Variants in WWOX observed in about 807,000 individuals in gnomAD.
WWOX encodes WW domain containing oxidoreductase.
Under a neutral mutation model 46.2 loss-of-function variants are expected in WWOX, and 69 were observed. The observed-to-expected ratio is 1.49, with a 90% CI of 1.23 to 1.82. The LOEUF (loss-of-function observed/expected upper bound fraction) is 1.82. WWOX is among the 40% of genes most tolerant of loss of function. The pLI, the probability that WWOX is intolerant of heterozygous loss-of-function variation, is 0.00. For missense variants in WWOX, 919 were observed against 542.6 expected (o/e 1.69, Z -6.89); for synonymous variants, 359 against 202.6 (o/e 1.77, Z -6.56).
chr16:79,212,442 A>AGAT lies in WWOX; in HGVS notation c.*647_*649dup, dbSNP rs999216169. The stretch of plus-strand genomic sequence containing the variant: ...TAATGCTATGCAAAAAATTCTTTAG[A>AGAT]GATTATAACAAATTTTTCAAATCAT... On this transcript the variant is annotated 3_prime_UTR_variant, in exon 9 of 9. Transcript: ENST00000566780. 3.6e-5 allele frequency: 10 copies of AGAT among 279,360 alleles called. No individual in the cohort carries two copies. Among genetic ancestry groups the AGAT allele is most frequent in the African/African-American group, 1.7e-4 (8 of 46,944 alleles). 17.3% of individuals were successfully genotyped at this position (279,360 alleles called of 1,614,324 possible).
At chr16:78,696,814 T>C (rs765991930) in intron 8 of WWOX, among the ~76,000 whole-genome samples, 1 of 152,012 alleles carries the variant, frequency 6.6e-6, no homozygotes, top group Non-Finnish European at 1.5e-5. Flanking sequence ...CCTCACCCTT[T>C]TACCACTCTT....
At position 78,617,043 on chromosome 16, in the gene WWOX, C is replaced by G. The variant is rs184364494; in HGVS notation, c.1056+184291C>G. Among the ~76,000 whole-genome samples the G allele has an allele frequency of 1.6e-4, 25 of 152,340 alleles. 1 individual carries two copies. The East Asian group carries it at 3.7e-3, about 22-fold the overall frequency. ...ATTTTGGCAGCCTTGCCATGCATCT[C>G]TAACATGCACATGGCCAGAAAAATA... On this transcript the variant is annotated intron_variant, in intron 8 of 8. Coordinates refer to ENST00000566780, the MANE Select transcript of WWOX (RefSeq NM_016373.4).
intron 5 of WWOX, among the ~76,000 whole-genome samples, chr16:78,272,948 C>T (rs994333179): frequency 1.3e-5 from 2 of 152,104 alleles, no homozygotes; most frequent in African/African-American, 4.8e-5. Context: ...TCATTAGGGT[C>T]TCATTTCCAA....
chr16:78,352,095 C>A (rs758556146), intron 5 of WWOX, among the ~76,000 whole-genome samples: 7 of 152,242 alleles, frequency 4.6e-5, no homozygotes, highest in Admixed American at 2.6e-4. Context: ...GGGTCAGTGC[C>A]CCATCTCAAG....
At chr16:78,895,820 A>C (rs1194503697) in intron 8 of WWOX, 1 of 152,222 alleles carries the variant, frequency 6.6e-6, no homozygotes, top group Non-Finnish European at 1.5e-5. Flanking sequence ...ACTGACTCAC[A>C]GTATCCGACT....
intron 8 of WWOX, 46 bp from the exon 9 acceptor site, chr16:79,211,562 C>G (rs772566719): frequency 1.9e-6 from 3 of 1,613,300 alleles, no homozygotes; most frequent in South Asian, 1.1e-5. Flanking sequence ...CATCTCATCA[C>G]TCCTTTTCTT....
chr16:78,858,052 TAC>T lies in WWOX; in HGVS notation c.1057-353554_1057-353553del, dbSNP rs1328460414. On this transcript the variant is annotated intron_variant, in intron 8 of 8. Coordinates refer to ENST00000566780, the MANE Select transcript of WWOX (RefSeq NM_016373.4). ...GATATTAATAAAGAGGTATTTGAGT[TAC>T]AGTTTTTCCAAAGTTTTAAATACTC... Among the ~76,000 whole-genome samples the T allele has an allele frequency of 3.9e-5, 6 of 152,198 alleles. No individual in the cohort carries two copies. In the East Asian group the frequency reaches 5.8e-4, roughly 15 times the overall value.
At chr16:78,742,907 C>G (rs1314000000) in intron 8 of WWOX, among the ~76,000 whole-genome samples, 1 of 152,114 alleles carries the variant, frequency 6.6e-6, no homozygotes, top group East Asian at 1.9e-4. Context: ...GGGCCACTTC[C>G]TGGGCCTCCC....
At chr16:78,560,914 C>T in intron 8 of WWOX, among the ~76,000 whole-genome samples, 1 of 152,098 alleles carries the variant, frequency 6.6e-6, no homozygotes, top group East Asian at 1.9e-4. Context: ...TAGCAGTTCA[C>T]ATTCACATCT....
At chr16:78,909,308 G>A (rs918929042) in intron 8 of WWOX, among the ~76,000 whole-genome samples, 2 of 152,180 alleles carry the variant, frequency 1.3e-5, no homozygotes, top group Non-Finnish European at 2.9e-5. Flanking sequence ...TGCCAAGGGG[G>A]AAAGAATTTT....
chr16:79,163,430 C>T (rs56351196), intron 8 of WWOX, among the ~76,000 whole-genome samples: 7 of 152,116 alleles, frequency 4.6e-5, no homozygotes, highest in African/African-American at 1.7e-4. Flanking sequence ...ACTCTGAGCT[C>T]TATAAGAGAT....
intron 8 of WWOX, among the ~76,000 whole-genome samples, chr16:79,072,280 T>C (rs1445241984): frequency 6.6e-6 from 1 of 151,874 alleles, no homozygotes; most frequent in African/African-American, 2.4e-5. Context: ...AATGAGACTG[T>C]CCCCCCAACC....
In WWOX at chr16:79,171,679, C is replaced by G. The variant is rs952996682; in HGVS notation, c.1057-39929C>G. Among the ~76,000 whole-genome samples, 6 of 152,252 alleles carry G rather than the reference C, an allele frequency of 3.9e-5. No individual in the cohort carries two copies. In the South Asian group the frequency reaches 1.2e-3, roughly 32 times the overall value. On this transcript the variant is annotated intron_variant, in intron 8 of 8. Transcript: ENST00000566780. ...ACTGTGCATCATGGCCTTTTAATGC[C>G]ATTTTGCTTTTTTATCATCCAATCA...
At chr16:78,647,692 T>G (rs1319996483) in intron 8 of WWOX, among the ~76,000 whole-genome samples, 3 of 152,164 alleles carry the variant, frequency 2.0e-5, no homozygotes, top group Admixed American at 6.5e-5. Context: ...TACCTCAAAA[T>G]AGTCTGCAGG....
intron 8 of WWOX, among the ~76,000 whole-genome samples, chr16:78,748,995 G>A (rs1241159192): frequency 6.6e-6 from 1 of 152,244 alleles, no homozygotes; most frequent in Non-Finnish European, 1.5e-5. Context: ...ATCAACGACT[G>A]CAAGGTTTAT....
chr16:78,888,062 G>C (rs1305373918), intron 8 of WWOX, among the ~76,000 whole-genome samples: 2 of 152,190 alleles, frequency 1.3e-5, no homozygotes, highest in East Asian at 3.8e-4. Flanking sequence ...CAAGCTGTCA[G>C]CCATGAATAT....
intron 5 of WWOX, among the ~76,000 whole-genome samples, chr16:78,274,959 T>C (rs2079549905): frequency 6.6e-6 from 1 of 152,190 alleles, no homozygotes; most frequent in Non-Finnish European, 1.5e-5. Context: ...TCGTTTTCAG[T>C]TTTTATTAAT....
intron 8 of WWOX, among the ~76,000 whole-genome samples, chr16:78,438,136 G>A (rs2083373638): frequency 6.6e-6 from 1 of 152,108 alleles, no homozygotes; most frequent in Non-Finnish European, 1.5e-5. Flanking sequence ...CATTTTCCCA[G>A]ATACCACGAT....
intron 5 of WWOX, among the ~76,000 whole-genome samples, chr16:78,170,344 G>A (rs569972794): frequency 1.3e-5 from 2 of 152,226 alleles, no homozygotes; most frequent in East Asian, 1.9e-4. Context: ...GATACAGGTG[G>A]TTCTATTAAA....
Sources: gnomAD v4.1 joint callset for allele counts (sites outside exome capture counted in the v4.1 genomes callset) on GRCh38, gnomAD v4.1.1 for gene constraint, MANE v1.5 for transcripts, NCBI Gene and HGNC (gene_info 2026-07-23, HGNC 2026-07-21) for gene names.